The following GLCE variants were observed in gnomAD, a reference collection of about 807,000 sequenced individuals.
The protein encoded by GLCE is glucuronic acid epimerase, also known as D-glucuronyl C5-epimerase.
Under a neutral mutation model 47.9 loss-of-function variants are expected in GLCE, and 19 were observed. The ratio of observed to expected loss-of-function variants is 0.40; its 90% CI spans 0.28 to 0.58. The LOEUF is 0.58. Ranked by LOEUF, GLCE falls within the 20% of genes least tolerant of loss-of-function variation. The pLI, the probability that GLCE is intolerant of heterozygous loss-of-function variation, is 0.48. For missense variants in GLCE, 556 were observed against 743.3 expected, an observed-to-expected ratio of 0.75 and a Z score of 2.93; for synonymous variants, 245 against 263.4, an observed-to-expected ratio of 0.93 and a Z score of 0.68.
chr15:69,201,078 T>A (rs2052071109), intron 1 of GLCE, among the ~76,000 whole-genome samples: 1 of 152,128 alleles, frequency 6.6e-6, no homozygotes, highest in Admixed American at 6.5e-5. Flanking sequence ...TCCTTCTCCT[T>A]TGATTTAAAC....
intron 1 of GLCE, among the ~76,000 whole-genome samples, chr15:69,205,385 A>G (rs2052136044): frequency 1.3e-5 from 2 of 152,138 alleles, no homozygotes; most frequent in Non-Finnish European, 2.9e-5. Context: ...CAGTTTGTTT[A>G]TAAGTTTATT....
intron 1 of GLCE, among the ~76,000 whole-genome samples, chr15:69,204,852 A>G (rs2052128605): frequency 6.6e-6 from 1 of 152,096 alleles, no homozygotes; most frequent in Non-Finnish European, 1.5e-5. Flanking sequence ...TGATCCCTCT[A>G]GTGATTTTAC....
chr15:69,223,578 G>T (rs2140392941), intron 2 of GLCE, among the ~76,000 whole-genome samples: 1 of 152,290 alleles, frequency 6.6e-6, no homozygotes, highest in African/African-American at 2.4e-5. Flanking sequence ...GCTACTTGGA[G>T]TTTGTTGAGC....
intron 2 of GLCE, among the ~76,000 whole-genome samples, chr15:69,218,235 C>T (rs2052333751): frequency 6.6e-6 from 1 of 151,402 alleles, no homozygotes; most frequent in Non-Finnish European, 1.5e-5. Flanking sequence ...ATAGGCCAGG[C>T]ACAGTGGCTC....
intron 4 of GLCE, among the ~76,000 whole-genome samples, chr15:69,263,139 T>G (rs1300733284): frequency 6.6e-6 from 1 of 152,170 alleles, no homozygotes. Context: ...TTTCGGATTT[T>G]TGAACTAAGG....
intron 2 of GLCE, among the ~76,000 whole-genome samples, chr15:69,215,742 C>A (rs1016537456): frequency 6.6e-6 from 1 of 152,142 alleles, no homozygotes; most frequent in Admixed American, 6.5e-5. Flanking sequence ...TGTTCTGCAT[C>A]CTTGTCAGCA....
At chr15:69,211,884 T>G (rs1008384779) in intron 2 of GLCE, among the ~76,000 whole-genome samples, 3 of 152,028 alleles carry the variant, frequency 2.0e-5, no homozygotes, top group African/African-American at 7.2e-5. Flanking sequence ...AATAGACTTG[T>G]GTGAGGTATC....
At chr15:69,162,492 A>G (rs971555480) in intron 1 of GLCE, among the ~76,000 whole-genome samples, 3 of 151,528 alleles carry the variant, frequency 2.0e-5, no homozygotes, top group Non-Finnish European at 2.9e-5. Flanking sequence ...ATTTGAGTAT[A>G]CCAAAGCAAA....
intron 2 of GLCE, among the ~76,000 whole-genome samples, chr15:69,222,542 G>T (rs981928546): frequency 5.3e-5 from 8 of 152,212 alleles, no homozygotes; most frequent in Non-Finnish European, 1.2e-4. Context: ...CTAAGGAGCT[G>T]TTTAGGGCCT....
At chr15:69,229,258 C>T (rs572746436) in intron 2 of GLCE, among the ~76,000 whole-genome samples, 51 of 152,276 alleles carry the variant, frequency 3.3e-4, no homozygotes, top group African/African-American at 1.2e-3. Context: ...CAAAATATGA[C>T]AGAGCTAAAA....
rs1179884044 is a variant in GLCE, at chr15:69,272,068, T to A, written c.*2824T>A. On this transcript the variant is annotated 3_prime_UTR_variant, in exon 5 of 5. Transcript: ENST00000261858. ...TTGCAGTTTAAGCACAATGTGCACATGTTAGTTTTATATACAGCAAAACTT... is the reference window on the plus strand; with the variant it reads ...TTGCAGTTTAAGCACAATGTGCACAAGTTAGTTTTATATACAGCAAAACTT... 6.5e-6 allele frequency: 1 copy of A among 152,678 alleles called. No individual in the cohort carries two copies. 9.5% of individuals were successfully genotyped at this position (152,678 alleles called of 1,614,324 possible).
Position 69,268,373 on chromosome 15 carries a change from AGC to A in GLCE, c.984_985del (p.Gln328HisfsTer5), listed in dbSNP as rs781137070. Reference sequence around the variant, plus strand: ...ACTATACATTATGTCTCAAATGCTCAGCTAATTGCTTTTAAAGAAAGAGATAT... The same window carrying A: ...ACTATACATTATGTCTCAAATGCTCATAATTGCTTTTAAAGAAAGAGATAT... On this transcript the variant is annotated frameshift_variant, in exon 5 of 5. Coordinates refer to ENST00000261858, the MANE Select transcript of GLCE (RefSeq NM_015554.3). LOFTEE classifies it high-confidence loss of function. The A allele has an allele frequency of 2.5e-6, 4 of 1,614,204 alleles. No homozygotes were observed. The highest frequency in any genetic ancestry group is 3.4e-6 in the Non-Finnish European group (4 of 1,180,010).
intron 3 of GLCE, among the ~76,000 whole-genome samples, chr15:69,256,825 G>A (rs1039734802): frequency 1.3e-5 from 2 of 152,176 alleles, no homozygotes; most frequent in Non-Finnish European, 2.9e-5. Flanking sequence ...TTCAGAACAA[G>A]ACAATATGTA....
intron 1 of GLCE, among the ~76,000 whole-genome samples, chr15:69,181,991 G>A (rs766889656): frequency 6.6e-6 from 1 of 151,880 alleles, no homozygotes; most frequent in African/African-American, 2.4e-5. Context: ...GGGCACAGAC[G>A]TAGTTAGGTA....
chr15:69,166,098 A>G (rs770066261), intron 1 of GLCE, among the ~76,000 whole-genome samples: 4 of 152,240 alleles, frequency 2.6e-5, no homozygotes, highest in Non-Finnish European at 4.4e-5. Flanking sequence ...AATCTTGGAC[A>G]TCATTATTTG....
At chr15:69,254,195 G>A (rs187152361) in intron 2 of GLCE, among the ~76,000 whole-genome samples, 148 of 152,232 alleles carry the variant, frequency 9.7e-4, no homozygotes, top group Admixed American at 3.4e-3. Context: ...TGTGGCAAAC[G>A]GCAGTTAAAC....
intron 2 of GLCE, among the ~76,000 whole-genome samples, chr15:69,248,950 C>T (rs1279232378): frequency 6.6e-6 from 1 of 152,128 alleles, no homozygotes; most frequent in Non-Finnish European, 1.5e-5. Context: ...AGCAAAACCC[C>T]AGCCCTCATG....
chr15:69,201,563 A>G (rs1015891106), intron 1 of GLCE, among the ~76,000 whole-genome samples: 10 of 150,404 alleles, frequency 6.6e-5, no homozygotes, highest in Non-Finnish European at 1.5e-4. Context: ...TTTGAAAGCC[A>G]GTACTAGTGT....
At chr15:69,178,775 TATTC>T (rs977832829) in intron 1 of GLCE, among the ~76,000 whole-genome samples, 5 of 152,162 alleles carry the variant, frequency 3.3e-5, no homozygotes, top group African/African-American at 9.6e-5. Flanking sequence ...AAATGATAAA[TATTC>T]ATACTTTTTC....
Sources: allele counts gnomAD v4.1 joint callset (sites outside exome capture counted in the v4.1 genomes callset), GRCh38; gene constraint gnomAD v4.1.1; transcripts MANE v1.5; gene names NCBI Gene and HGNC (gene_info 2026-07-23, HGNC 2026-07-21).